The following LARGE1 variants were observed in gnomAD, a reference collection of about 807,000 sequenced individuals.
The protein encoded by LARGE1 is LARGE xylosyl- and glucuronyltransferase 1.
LARGE1 carries 43 observed loss-of-function variants against 87.6 expected under a neutral mutation model. The ratio of observed to expected loss-of-function variants is 0.49; its 90% CI spans 0.38 to 0.63. LARGE1 has a LOEUF of 0.63. Ranked by LOEUF, LARGE1 falls within the 30% of genes least tolerant of loss-of-function variation. The pLI is 0.00. For missense variants in LARGE1, 802 were observed against 1,000.2 expected (o/e 0.80, Z 2.67); for synonymous variants, 434 against 394.6 (o/e 1.10, Z -1.18).
intron 5 of LARGE1, among the ~76,000 whole-genome samples, chr22:33,596,952 G>T (rs1274177063): frequency 6.6e-6 from 1 of 152,138 alleles, no homozygotes; most frequent in African/African-American, 2.4e-5. Flanking sequence ...GTGAACTGGG[G>T]GATTCAGAAG....
intron 9 of LARGE1, among the ~76,000 whole-genome samples, chr22:33,348,651 G>T (rs1940049769): frequency 6.6e-6 from 1 of 152,008 alleles, no homozygotes; most frequent in Non-Finnish European, 1.5e-5. Flanking sequence ...AGTACAGGGA[G>T]CCATCGTCCA....
chr22:33,768,444 AC>A (rs2084971753), intron 1 of LARGE1, among the ~76,000 whole-genome samples: 1 of 151,658 alleles, frequency 6.6e-6, no homozygotes. Flanking sequence ...GCTCACACAC[AC>A]ACACACACAC....
At chr22:33,540,749 A>G (rs2077168786) in intron 6 of LARGE1, among the ~76,000 whole-genome samples, 1 of 152,052 alleles carries the variant, frequency 6.6e-6, no homozygotes, top group African/African-American at 2.4e-5. Context: ...CCTGGGCATC[A>G]TTATTCTTCA....
At chr22:33,404,229 G>A (rs575669610) in intron 7 of LARGE1, among the ~76,000 whole-genome samples, 4 of 152,320 alleles carry the variant, frequency 2.6e-5, no homozygotes, top group South Asian at 2.1e-4. Context: ...TGCAGGAGGC[G>A]AGGTAGCATG....
chr22:33,856,723 A>G (rs1330294027), intron 1 of LARGE1: 1 of 152,164 alleles, frequency 6.6e-6, no homozygotes, highest in Non-Finnish European at 1.5e-5. Flanking sequence ...CAGCTTTGAA[A>G]ACGCTACACA....
chr22:33,577,065 T>C (rs775299564), intron 5 of LARGE1, among the ~76,000 whole-genome samples: 1 of 152,158 alleles, frequency 6.6e-6, no homozygotes, highest in South Asian at 2.1e-4. Context: ...AGAAGAGAGA[T>C]AATCACTCTG....
At chr22:33,748,607 T>G (rs1368304179) in intron 2 of LARGE1, among the ~76,000 whole-genome samples, 1 of 152,182 alleles carries the variant, frequency 6.6e-6, no homozygotes, top group Non-Finnish European at 1.5e-5. Flanking sequence ...AGAGGTTAAG[T>G]GACTCAATGT....
intron 4 of LARGE1, among the ~76,000 whole-genome samples, chr22:33,611,906 G>A (rs370066416): frequency 1.2e-4 from 18 of 152,248 alleles, no homozygotes; most frequent in African/African-American, 4.3e-4. Context: ...TTTAAAGATT[G>A]TGGCACCTCC....
intron 6 of LARGE1, among the ~76,000 whole-genome samples, chr22:33,494,529 T>G (rs1351296046): frequency 6.6e-6 from 1 of 152,200 alleles, no homozygotes; most frequent in East Asian, 1.9e-4. Context: ...TGCCACCATA[T>G]TCTATTTTAA....
At chr22:33,757,458 C>G (rs496956) in intron 2 of LARGE1, among the ~76,000 whole-genome samples, 130,580 of 151,982 alleles carry the variant, frequency 0.86, 56,286 homozygotes, top group East Asian at 0.97. Context: ...CGAAGGCCTA[C>G]CATGAAGAGC....
chr22:33,558,571 C>T (rs1193413681), intron 6 of LARGE1, among the ~76,000 whole-genome samples: 1 of 152,118 alleles, frequency 6.6e-6, no homozygotes, highest in Non-Finnish European at 1.5e-5. Context: ...TTAGATCACC[C>T]TGCTGATAAA....
At position 33,793,660 on chromosome 22, in the gene LARGE1, C is replaced by A. The variant is rs539611851; in HGVS notation, c.-82-32102G>T. ...CACTTCCAGAGTCCCTCCTACCTCCCGCAAGAACACAGGAAAAATCCTTCT... is the reference window on the plus strand; with the variant it reads ...CACTTCCAGAGTCCCTCCTACCTCCAGCAAGAACACAGGAAAAATCCTTCT... On this transcript the variant is annotated intron_variant, in intron 1 of 14. Transcript: ENST00000397394. 5.9e-5 allele frequency among the ~76,000 whole-genome samples: 9 copies of A among 152,222 alleles called. No individual in the cohort carries two copies. The South Asian group carries it at 1.7e-3, about 28-fold the overall frequency.
At chr22:33,365,819 T>C (rs2064566304) in intron 9 of LARGE1, among the ~76,000 whole-genome samples, 1 of 152,200 alleles carries the variant, frequency 6.6e-6, no homozygotes, top group Non-Finnish European at 1.5e-5. Flanking sequence ...GTTTCACATG[T>C]TGGCCAGGCT....
intron 7 of LARGE1, among the ~76,000 whole-genome samples, chr22:33,401,696 T>C (rs7290813): frequency 0.33 from 49,554 of 152,050 alleles, 9,143 homozygotes; most frequent in African/African-American, 0.5. Context: ...AGTGAGATTA[T>C]AGACGTAGGG....
chr22:33,592,351 C>T lies in LARGE1; in HGVS notation c.615+12084G>A, dbSNP rs563250773. ...TCTGTCTCATCTTCTTTGCTTCTTACTTAGGCTTTATTTCATTTGAAATAA... is the reference window on the plus strand; with the variant it reads ...TCTGTCTCATCTTCTTTGCTTCTTATTTAGGCTTTATTTCATTTGAAATAA... On this transcript the variant is annotated intron_variant, in intron 5 of 14. Transcript: ENST00000397394. Among the ~76,000 whole-genome samples, 13 of 151,978 alleles carry T rather than the reference C, an allele frequency of 8.6e-5. No individual in the cohort carries two copies. In the South Asian group the frequency reaches 2.7e-3, roughly 32 times the overall value.
At chr22:33,824,897 C>T (rs1329233444) in intron 1 of LARGE1, among the ~76,000 whole-genome samples, 1 of 152,104 alleles carries the variant, frequency 6.6e-6, no homozygotes, top group Non-Finnish European at 1.5e-5. Flanking sequence ...TATTTTTGCA[C>T]AGTTTTGGGG....
the LARGE1 span, among the ~76,000 whole-genome samples, chr22:33,122,829 C>T: frequency 6.6e-6 from 1 of 152,296 alleles, no homozygotes; most frequent in Non-Finnish European, 1.5e-5. Flanking sequence ...GGAAAAGGTA[C>T]ATATATTCTG....
At chr22:33,622,483 A>G (rs1425881744) in intron 4 of LARGE1, among the ~76,000 whole-genome samples, 1 of 152,208 alleles carries the variant, frequency 6.6e-6, no homozygotes, top group Non-Finnish European at 1.5e-5. Flanking sequence ...AGTTCTTTAT[A>G]GTAGTATGAA....
downstream of LARGE1, among the ~76,000 whole-genome samples, chr22:33,269,134 AT>A (rs1443427913): frequency 3.3e-5 from 5 of 152,254 alleles, no homozygotes; most frequent in East Asian, 9.6e-4. Context: ...GGGGCATGGT[AT>A]CTACAATTCA....
Sources: allele counts gnomAD v4.1 joint callset (sites outside exome capture counted in the v4.1 genomes callset), GRCh38; gene constraint gnomAD v4.1.1; transcripts MANE v1.5; gene names NCBI Gene and HGNC (gene_info 2026-07-23, HGNC 2026-07-21).